ROBO2: variants seen among roughly 807,000 people sequenced by gnomAD.
ROBO2 encodes the protein roundabout homolog 2.
Under a neutral mutation model 160.8 loss-of-function variants are expected in ROBO2, and 53 were observed. The ratio of observed to expected loss-of-function variants is 0.33; its 90% CI spans 0.26 to 0.41. The LOEUF (loss-of-function observed/expected upper bound fraction) is 0.41. Ranked by LOEUF, ROBO2 falls within the 10% of genes least tolerant of loss-of-function variation. The pLI, the probability that ROBO2 is intolerant of heterozygous loss-of-function variation, is 1.00. For synonymous variants in ROBO2, 664 were observed against 611.7 expected (o/e 1.09, Z -1.26); for missense variants, 1,577 against 1,722.4 (o/e 0.92, Z 1.49).
intron 1 of ROBO2, among the ~76,000 whole-genome samples, chr3:77,046,856 C>G (rs1036545592): frequency 6.6e-6 from 1 of 152,218 alleles, no homozygotes; most frequent in Non-Finnish European, 1.5e-5. Flanking sequence ...GAAGAACATG[C>G]TGACCTGTGA....
chr3:76,529,650 T>C (rs1560099251), intron 2 of ROBO2, among the ~76,000 whole-genome samples: 1 of 152,198 alleles, frequency 6.6e-6, no homozygotes, highest in Non-Finnish European at 1.5e-5. Context: ...TTTTCTTTTC[T>C]ATACAATTAG....
At position 76,141,454 on chromosome 3, in the gene ROBO2, GT is replaced by G. The variant is rs371265992; in HGVS notation, c.109+203855del. 5.9e-3 allele frequency among the ~76,000 whole-genome samples: 884 copies of G among 150,874 alleles called. 20 individuals are homozygous for G. The highest frequency in any genetic ancestry group is 0.021 in the African/African-American group (849 of 41,094). On this transcript the variant is annotated intron_variant, in intron 2 of 26. Coordinates refer to the ROBO2 transcript ENST00000487694. ...ACCGAATATAATTTTTTAATGAAAA[GT>G]TTAAAAAGTATTAGAGACACATAAT...
chr3:76,263,516 C>T (rs1345238773), intron 2 of ROBO2, among the ~76,000 whole-genome samples: 3 of 152,158 alleles, frequency 2.0e-5, no homozygotes, highest in Non-Finnish European at 4.4e-5. Context: ...AGCCACCCTG[C>T]TTGGCCCAGC....
At chr3:76,837,452 C>T (rs915392815) in intron 2 of ROBO2, among the ~76,000 whole-genome samples, 2 of 151,486 alleles carry the variant, frequency 1.3e-5, no homozygotes, top group African/African-American at 4.8e-5. Context: ...TACTTCCTAT[C>T]CCTTGAAGAG....
chr3:76,492,718 T>A (rs2079903738), intron 2 of ROBO2, among the ~76,000 whole-genome samples: 1 of 152,130 alleles, frequency 6.6e-6, no homozygotes, highest in African/African-American at 2.4e-5. Flanking sequence ...TACAGCTTTT[T>A]TTTTAGAGTA....
intron 2 of ROBO2, among the ~76,000 whole-genome samples, chr3:76,334,197 CATT>C (rs1418264865): frequency 1.3e-5 from 2 of 152,100 alleles, no homozygotes; most frequent in Non-Finnish European, 2.9e-5. Context: ...CCCATATCAT[CATT>C]ATTATCATTG....
chr3:76,223,411 C>A (rs1256984982), intron 2 of ROBO2, among the ~76,000 whole-genome samples: 1 of 151,820 alleles, frequency 6.6e-6, no homozygotes, highest in Non-Finnish European at 1.5e-5. Context: ...GCCACTTTCA[C>A]CCAGGGTGGG....
intron 2 of ROBO2, among the ~76,000 whole-genome samples, chr3:76,416,836 G>A (rs767595054): frequency 2.0e-5 from 3 of 152,014 alleles, no homozygotes; most frequent in Non-Finnish European, 2.9e-5. Flanking sequence ...TCTCTTCTTC[G>A]TGATAATGTA....
At chr3:75,955,081 G>A (rs1362279126) in intron 2 of ROBO2, among the ~76,000 whole-genome samples, 1 of 151,482 alleles carries the variant, frequency 6.6e-6, no homozygotes, top group Non-Finnish European at 1.5e-5. Context: ...CATCTATGTA[G>A]TTTGTTTGTT....
At chr3:76,445,259 GA>G (rs567754976) in intron 2 of ROBO2, among the ~76,000 whole-genome samples, 17 of 151,966 alleles carry the variant, frequency 1.1e-4, no homozygotes, top group South Asian at 2.1e-4. Flanking sequence ...CCATCAAATA[GA>G]AAAAAACTCC....
intron 1 of ROBO2, among the ~76,000 whole-genome samples, chr3:77,046,798 C>G (rs1022581590): frequency 6.6e-6 from 1 of 152,138 alleles, no homozygotes; most frequent in Non-Finnish European, 1.5e-5. Context: ...TAGGTTATTC[C>G]TTTGATTCAA....
intron 2 of ROBO2, among the ~76,000 whole-genome samples, chr3:76,567,645 A>G (rs1296725686): frequency 1.1e-5 from 1 of 93,116 alleles, no homozygotes; most frequent in African/African-American, 4.4e-5. Context: ...ATATATATAT[A>G]TATATATACA....
At chr3:76,735,270 A>G (rs2093690596) in intron 2 of ROBO2, among the ~76,000 whole-genome samples, 1 of 152,196 alleles carries the variant, frequency 6.6e-6, no homozygotes, top group Non-Finnish European at 1.5e-5. Context: ...AAAAGAATGA[A>G]ATCATGTCCT....
At chr3:76,650,481 C>CTT (rs67171130) in intron 2 of ROBO2, among the ~76,000 whole-genome samples, 3,334 of 146,724 alleles carry the variant, frequency 0.023, 122 homozygotes, top group African/African-American at 0.076. Context: ...CCTTCTTTCT[C>CTT]TTTTTTTTTT....
chr3:77,472,183 C>T (rs1276746950), intron 2 of ROBO2, among the ~76,000 whole-genome samples: 1 of 152,042 alleles, frequency 6.6e-6, no homozygotes, highest in African/African-American at 2.4e-5. Context: ...GGCATCCTAC[C>T]ACTTTGTAAC....
intron 2 of ROBO2, among the ~76,000 whole-genome samples, chr3:77,224,379 A>G (rs189778100): frequency 1.3e-5 from 2 of 151,982 alleles, no homozygotes; most frequent in Admixed American, 6.6e-5. Flanking sequence ...ATGCTTGGGG[A>G]AAAGATATCT....
intron 2 of ROBO2, among the ~76,000 whole-genome samples, chr3:76,685,192 G>GTT (rs57691150): frequency 9.1e-4 from 117 of 128,306 alleles, no homozygotes; most frequent in African/African-American, 3.2e-3. Flanking sequence ...GGTTGGTTGT[G>GTT]TTTTTTTTTT....
intron 2 of ROBO2, among the ~76,000 whole-genome samples, chr3:76,015,273 G>A (rs763097018): frequency 2.0e-5 from 3 of 151,982 alleles, no homozygotes; most frequent in Non-Finnish European, 4.4e-5. Context: ...AGTCATATGC[G>A]CTTATATGTA....
At chr3:76,038,698 T>G (rs1419835027) in intron 2 of ROBO2, among the ~76,000 whole-genome samples, 1 of 151,872 alleles carries the variant, frequency 6.6e-6, no homozygotes, top group Non-Finnish European at 1.5e-5. Flanking sequence ...ATAAAAGACA[T>G]CCTTCTTGTT....
Sources: gnomAD v4.1 joint callset for allele counts (sites outside exome capture counted in the v4.1 genomes callset) on GRCh38, gnomAD v4.1.1 for gene constraint, MANE v1.5 for transcripts, NCBI Gene and HGNC (gene_info 2026-07-23, HGNC 2026-07-21) for gene names.